ANXA4: variants seen among roughly 807,000 people sequenced by gnomAD.
ANXA4 encodes annexin A4.
ANXA4 carries 39 observed loss-of-function variants against 49.8 expected under a neutral mutation model. That is an observed-to-expected ratio of 0.78 (90% confidence interval 0.61 to 1.02). The LOEUF is 1.02. Ranked by LOEUF, ANXA4 falls within the 50% of genes least tolerant of loss-of-function variation. The pLI is 0.00. For synonymous variants in ANXA4, 134 were observed against 152.5 expected (o/e 0.88, Z 0.89); for missense variants, 360 against 410.1 (o/e 0.88, Z 1.05).
At chr2:69,655,556 A>C (rs1463702992) in intron 2 of ANXA4, among the ~76,000 whole-genome samples, 1 of 152,212 alleles carries the variant, frequency 6.6e-6, no homozygotes, top group Admixed American at 6.5e-5. Flanking sequence ...GTGGAGAAAG[A>C]GCAACGGTTT....
At chr2:69,812,278 C>A (rs1673740924) in intron 7 of ANXA4, among the ~76,000 whole-genome samples, 1 of 152,150 alleles carries the variant, frequency 6.6e-6, no homozygotes, top group East Asian at 1.9e-4. Flanking sequence ...TCCCGACCCC[C>A]TTTTGGCAGA....
In ANXA4 at chr2:69,788,135, G is replaced by A. The variant is rs533451042; in HGVS notation, c.91G>A (p.Gly31Arg). ...CCAGACCCTGAGGAAGGCCATGAAA[G>A]GGCTCGGTATGTGTCCTGCTGGAAG... is the stretch of plus-strand genomic sequence containing the variant. ...DAQTLRKAMK[G>R]LGTDEDAIIS... Residue 31 changes from glycine to arginine, a missense_variant, in exon 3 of 13, where the codon GGG becomes AGG. Coordinates refer to ENST00000394295, the MANE Select transcript of ANXA4 (RefSeq NM_001153.5). 1 of 1,613,800 alleles carries A rather than the reference G, an allele frequency of 6.2e-7. No individual in the cohort carries two copies. The highest frequency in any genetic ancestry group is 1.1e-5 in the South Asian group (1 of 91,076).
chr2:69,820,556 G>C, intron 11 of ANXA4, 143 bp from the exon 12 acceptor site: 1 of 874,442 alleles, frequency 1.1e-6, no homozygotes, highest in Admixed American at 2.4e-5. Flanking sequence ...GATAAAGAGT[G>C]AGGATATTCC....
intron 3 of ANXA4, among the ~76,000 whole-genome samples, chr2:69,788,534 C>T (rs1365372632): frequency 2.0e-5 from 3 of 150,872 alleles, no homozygotes; most frequent in African/African-American, 7.3e-5. Flanking sequence ...AGTGAGACTC[C>T]ATCTCAAAAA....
At chr2:69,645,641 A>T (rs563462256) in intron 1 of ANXA4, among the ~76,000 whole-genome samples, 1 of 152,356 alleles carries the variant, frequency 6.6e-6, no homozygotes, top group Admixed American at 6.5e-5. Flanking sequence ...CTTCAGTGAT[A>T]CAAAAACTCC....
intron 3 of ANXA4, among the ~76,000 whole-genome samples, chr2:69,794,606 A>C (rs1031147570): frequency 2.0e-5 from 3 of 151,074 alleles, no homozygotes; most frequent in Non-Finnish European, 4.4e-5. Context: ...TCTGTCGCCC[A>C]GGCTGGAGTG....
intron 1 of ANXA4, among the ~76,000 whole-genome samples, chr2:69,756,731 T>C (rs1456335344): frequency 6.6e-6 from 1 of 151,968 alleles, no homozygotes. Flanking sequence ...AAAAGAAGAA[T>C]ATTAAATTGG....
chr2:69,768,171 ATTAT>A (rs1671570622), intron 1 of ANXA4, among the ~76,000 whole-genome samples: 1 of 152,228 alleles, frequency 6.6e-6, no homozygotes, highest in African/African-American at 2.4e-5. Flanking sequence ...TAAAACTTAA[ATTAT>A]CATGTCCAGT....
chr2:69,675,968 C>T (rs567767683), intron 2 of ANXA4, among the ~76,000 whole-genome samples: 68 of 150,036 alleles, frequency 4.5e-4, no homozygotes, highest in Non-Finnish European at 8.3e-4. Context: ...GATTGTGCCA[C>T]TGCACTCCAG....
intron 2 of ANXA4, among the ~76,000 whole-genome samples, chr2:69,714,982 A>G (rs1487545539): frequency 6.6e-6 from 1 of 152,228 alleles, no homozygotes; most frequent in Non-Finnish European, 1.5e-5. Flanking sequence ...AGCTTGAAAC[A>G]GAAGACTACA....
At chr2:69,777,705 T>C (rs1672017331) in intron 1 of ANXA4, among the ~76,000 whole-genome samples, 1 of 152,242 alleles carries the variant, frequency 6.6e-6, no homozygotes, top group South Asian at 2.1e-4. Context: ...GCCTTTGCAC[T>C]GACTGCTCCA....
chr2:69,720,021 G>T lies in ANXA4; in HGVS notation n.767-753G>T, dbSNP rs111277489. Among the ~76,000 whole-genome samples, 909 of 152,262 alleles carry T rather than the reference G, an allele frequency of 6.0e-3. 13 individuals carry two copies. Among genetic ancestry groups the T allele is most frequent in the African/African-American group, 0.021 (880 of 41,536 alleles). On this transcript the variant is annotated intron_variant and non_coding_transcript_variant, in intron 2 of 3. Transcript: ENST00000418066. ...TGATCAATAAATATTGGCATTTTGG[G>T]TGAATACATAGGTCATTAGTGCTAC...
chr2:69,649,924 A>ATTTTTTTTTTTTTTT (rs35212855), intron 1 of ANXA4, among the ~76,000 whole-genome samples: 1 of 52,014 alleles, frequency 1.9e-5, no homozygotes, highest in Non-Finnish European at 3.1e-5. Flanking sequence ...GCCTGGCCTG[A>ATTTTTTTTTTTTTTT]TTTTTTTTTT....
chr2:69,810,657 T>G lies in ANXA4; in HGVS notation c.461T>G (p.Leu154Arg). The change falls in exon 7 of 13, where the codon CTG (leucine) becomes CGG (arginine). Residue 154 changes from leucine to arginine, a missense_variant. Physicochemically the swap from Leu to Arg is moderately radical, Grantham distance 102. Coordinates refer to ENST00000394295, the MANE Select transcript of ANXA4 (RefSeq NM_001153.5). ...ACATCGTTCATGTTCCAGCGAGTGC[T>G]GGTGTCTCTGTCAGCTGTGAGTGAC... ...SDTSFMFQRVLVSLSAGGRDE... is the reference protein window; with the variant it reads ...SDTSFMFQRVRVSLSAGGRDE... The G allele has an allele frequency of 1.2e-6, 2 of 1,614,026 alleles. No individual in the cohort carries two copies. The highest frequency in any genetic ancestry group is 1.7e-6 in the Non-Finnish European group (2 of 1,179,940).
intron 3 of ANXA4, among the ~76,000 whole-genome samples, chr2:69,793,296 G>A (rs981463233): frequency 2.0e-5 from 3 of 150,750 alleles, no homozygotes; most frequent in African/African-American, 7.3e-5. Flanking sequence ...TAGCAAACTA[G>A]TATTTGACCT....
chr2:69,823,324 T>G (rs1441364568), intron 12 of ANXA4, among the ~76,000 whole-genome samples: 1 of 151,136 alleles, frequency 6.6e-6, no homozygotes, highest in Non-Finnish European at 1.5e-5. Context: ...CATTCAATAA[T>G]AGTTGTCAAA....
chr2:69,757,260 ATATATATTTTT>A (rs1369773337), intron 1 of ANXA4, among the ~76,000 whole-genome samples: 72 of 51,706 alleles, frequency 1.4e-3, no homozygotes, highest in African/African-American at 4.8e-3. Context: ...ATATATATAT[ATATATATTTTT>A]TTTTTTTTTT....
chr2:69,822,983 T>C (rs1674309152), intron 12 of ANXA4, among the ~76,000 whole-genome samples: 1 of 151,508 alleles, frequency 6.6e-6, no homozygotes, highest in African/African-American at 2.4e-5. Context: ...GTGAAAAGAA[T>C]AGATGAAGTA....
At chr2:69,683,562 C>G (rs955044135) in intron 2 of ANXA4, among the ~76,000 whole-genome samples, 3 of 152,128 alleles carry the variant, frequency 2.0e-5, no homozygotes, top group East Asian at 3.8e-4. Flanking sequence ...CAAAGAGGAA[C>G]GATATGCGCT....
Sources: gnomAD v4.1 joint callset for allele counts (sites outside exome capture counted in the v4.1 genomes callset) on GRCh38, gnomAD v4.1.1 for gene constraint, MANE v1.5 for transcripts, NCBI Gene and HGNC (gene_info 2026-07-23, HGNC 2026-07-21) for gene names.